Variants in SLC66A2 observed in about 807,000 individuals in gnomAD.
SLC66A2 encodes the protein solute carrier family 66 member 2, also known as PQ loop repeat containing 1.
In SLC66A2, 23 loss-of-function variants were observed where a neutral mutation model predicts 25.5. The observed-to-expected ratio is 0.90, with a 90% confidence interval of 0.65 to 1.28. The LOEUF (loss-of-function observed/expected upper bound fraction) is 1.28, where lower values mean the gene tolerates loss of function less well. Ranked by LOEUF, SLC66A2 falls within the 50% of genes most tolerant of loss-of-function variation. SLC66A2 has a pLI of 0.00. For missense variants in SLC66A2, 396 were observed against 373.1 expected (o/e 1.06, Z -0.51); for synonymous variants, 193 against 166.5 (o/e 1.16, Z -1.23).
At chr18:79,910,033 G>C (rs1167735609) in intron 5 of SLC66A2, among the ~76,000 whole-genome samples, 1 of 62,854 alleles carries the variant, frequency 1.6e-5, no homozygotes, top group Non-Finnish European at 3.0e-5. Flanking sequence ...AGAGTCCCCA[G>C]ACTTCCCCAC....
intron 4 of SLC66A2, among the ~76,000 whole-genome samples, chr18:79,922,285 A>G (rs1985334585): frequency 6.7e-6 from 1 of 149,836 alleles, no homozygotes; most frequent in African/African-American, 2.4e-5. Context: ...TTGAAAAGAA[A>G]AAAAAAAAAA....
At chr18:79,930,322 A>G (rs563352756) in intron 4 of SLC66A2, 1 of 152,238 alleles carries the variant, frequency 6.6e-6, no homozygotes, top group Non-Finnish European at 1.5e-5. Context: ...CTGAAAAGAA[A>G]AAAAAATCAT....
chr18:79,933,943 G>A (rs980170966), intron 4 of SLC66A2, 26 bp downstream of exon 4: 4 of 1,602,822 alleles, frequency 2.5e-6, no homozygotes, highest in East Asian at 2.2e-5. Context: ...AACGTGCTGC[G>A]GACAGTGCAC....
chr18:79,908,323 T>A (rs1982437139), intron 5 of SLC66A2, among the ~76,000 whole-genome samples: 3 of 152,146 alleles, frequency 2.0e-5, no homozygotes, highest in Admixed American at 2.0e-4. Context: ...AAGGAATTTT[T>A]TTTTTTTTCC....
rs3744884 is a variant in SLC66A2 at position 79,902,962 on chromosome 18, C to G, written c.*1014G>C. 471 of 153,262 alleles carry G rather than the reference C, an allele frequency of 3.1e-3. 10 individuals are homozygous for G. The highest frequency in any genetic ancestry group is 0.023 in the East Asian group (121 of 5,212). 9.5% of individuals were successfully genotyped at this position (153,262 alleles called of 1,614,324 possible). A position where few individuals can be genotyped will look rare whatever the true frequency, so the allele number is the denominator to read the frequency against. On this transcript the variant is annotated 3_prime_UTR_variant, in exon 6 of 6. Coordinates refer to ENST00000397778, the MANE Select transcript of SLC66A2 (RefSeq NM_025078.5). ...GGATGCGGCAGGCCCCAGTACCCCC[C>G]ACTCAGGAATTTGCTTCAGGCCAAA...
In SLC66A2 at chr18:79,950,849, G is replaced by A. The variant is rs764798435; in HGVS notation, c.78C>T (p.Val26=). The change falls in exon 2 of 6, where the codon GTC becomes GTT. Residue 26 remains valine (V), a synonymous_variant. Coordinates refer to ENST00000397778, the MANE Select transcript of SLC66A2 (RefSeq NM_025078.5). The part of the protein sequence containing the change: ...LVSWGAAAAM[V]FGGVVPYVPQ... ...GGACGTAGGGCACCACCCCTCCGAA[G>A]ACCATGGCCGCGGCCGCGCCCCAGG... is the stretch of plus-strand genomic sequence containing the variant. The A allele has an allele frequency of 4.3e-6, 7 of 1,611,166 alleles. No individual in the cohort carries two copies. The highest frequency in any genetic ancestry group is 2.7e-5 in the African/African-American group (2 of 74,866).
chr18:79,932,945 T>C (rs182425431), intron 4 of SLC66A2, among the ~76,000 whole-genome samples: 3 of 152,322 alleles, frequency 2.0e-5, no homozygotes, highest in East Asian at 3.9e-4. Context: ...TTTCCCAACT[T>C]ATTCTATAAG....
rs750644097 is a variant in SLC66A2, at chr18:79,943,316, G to T, written c.337+13C>A. On this transcript the variant is annotated intron_variant, in intron 3 of 5. Transcript: ENST00000397778. The stretch of plus-strand genomic sequence containing the variant: ...ATTCCCTGCGACTTTATTCCGAAGC[G>T]CCGGCCACCAACCTGTAAAGGAGCG... The T allele has an allele frequency of 2.5e-6, 4 of 1,612,860 alleles. No individual in the cohort carries two copies. The highest frequency in any genetic ancestry group is 1.3e-5 in the African/African-American group (1 of 75,002).
At chr18:79,919,121 A>C in intron 5 of SLC66A2, 63 bp downstream of exon 5, 1 of 1,447,992 alleles carries the variant, frequency 6.9e-7, no homozygotes. Context: ...GATTTTTACC[A>C]AATCTGCAGC....
At chr18:79,924,910 AGGT>A (rs991739871) in intron 4 of SLC66A2, 1 of 152,298 alleles carries the variant, frequency 6.6e-6, no homozygotes, top group African/African-American at 2.4e-5. Context: ...GAATTGGAGC[AGGT>A]GGCGGGGAGG....
intron 3 of SLC66A2, among the ~76,000 whole-genome samples, chr18:79,936,168 G>A (rs987551898): frequency 3.9e-5 from 6 of 152,212 alleles, no homozygotes; most frequent in African/African-American, 1.2e-4. Context: ...CTGTCGGTAC[G>A]GCGTGTATGG....
intron 3 of SLC66A2, among the ~76,000 whole-genome samples, chr18:79,939,383 C>G (rs1371480556): frequency 6.6e-6 from 1 of 152,120 alleles, no homozygotes; most frequent in Non-Finnish European, 1.5e-5. Flanking sequence ...CAATAATTGA[C>G]AAAGGGGATC....
intron 5 of SLC66A2, among the ~76,000 whole-genome samples, chr18:79,908,357 C>T (rs937395617): frequency 2.6e-5 from 4 of 151,466 alleles, no homozygotes; most frequent in Non-Finnish European, 4.4e-5. Context: ...CTGGGTCAAA[C>T]GTTCTTTTCT....
intron 4 of SLC66A2, among the ~76,000 whole-genome samples, chr18:79,926,885 G>T (rs1007502624): frequency 1.3e-5 from 2 of 152,086 alleles, no homozygotes. Flanking sequence ...CACAAGTGTT[G>T]GCAAAGAAAC....
Position 79,918,795 on chromosome 18 carries a change from C to G in SLC66A2, c.608+389G>C, listed in dbSNP as rs1984605002. Reference sequence around the variant, plus strand: ...AGTGGGGAAAGACCGAGGACAGTGTCCAAGGCAGCCCCCAGACCACCTTCC... The same window carrying G: ...AGTGGGGAAAGACCGAGGACAGTGTGCAAGGCAGCCCCCAGACCACCTTCC... On this transcript the variant is annotated intron_variant, in intron 5 of 5. Transcript: ENST00000397778. The surrounding 1 kb of genome is among the most constrained non-coding windows in gnomAD (Gnocchi z 4.0). Among the ~76,000 whole-genome samples, 1 of 152,178 alleles carries G rather than the reference C, an allele frequency of 6.6e-6. No individual in the cohort carries two copies. The highest frequency in any genetic ancestry group is 1.9e-4 in the East Asian group (1 of 5,176).
At chr18:79,916,279 G>GCTCTCATACCCGCA (rs1218668226) in intron 5 of SLC66A2, among the ~76,000 whole-genome samples, 9 of 143,498 alleles carry the variant, frequency 6.3e-5, no homozygotes, top group African/African-American at 1.8e-4. Context: ...CCGTACCCGT[G>GCTCTCATACCCGCA]GTGCTCCCGT....
intron 2 of SLC66A2, among the ~76,000 whole-genome samples, chr18:79,948,200 G>A (rs1243159730): frequency 6.6e-6 from 1 of 152,216 alleles, no homozygotes; most frequent in Non-Finnish European, 1.5e-5. Context: ...GAGCTCAAGT[G>A]TCTCTCCAAG....
intron 4 of SLC66A2, among the ~76,000 whole-genome samples, chr18:79,930,734 G>A (rs1986485778): frequency 6.6e-6 from 1 of 152,004 alleles, no homozygotes; most frequent in African/African-American, 2.4e-5. Flanking sequence ...GACTGTAGAT[G>A]GTAACTCAGT....
In SLC66A2 at chr18:79,904,163, C is replaced by T; in HGVS notation, c.629G>A (p.Trp210Ter). The T allele has an allele frequency of 6.2e-7, 1 of 1,612,928 alleles. No individual in the cohort carries two copies. Among genetic ancestry groups the T allele is most frequent in the South Asian group, 1.1e-5 (1 of 91,082 alleles). ...CGTCTTGAAGGCGTCACCACTGGTCCACATGAGCACCATCTTGATGCTGTG... is the reference window on the plus strand; with the variant it reads ...CGTCTTGAAGGCGTCACCACTGGTCTACATGAGCACCATCTTGATGCTGTG... Reference protein sequence around the residue: ...EGMSIKMVLMWTSGDAFKTAY... With the variant: ...EGMSIKMVLM The change falls in exon 6 of 6, where the codon TGG becomes TAG. Residue 210 changes from tryptophan to a stop codon, truncating the protein, a stop_gained. Coordinates refer to ENST00000397778, the MANE Select transcript of SLC66A2 (RefSeq NM_025078.5). LOFTEE classifies it high-confidence loss of function. This position sits in a 1 kb window ranked among gnomAD's most constrained non-coding sequence, Gnocchi z 6.3.
Sources: gnomAD v4.1 joint callset for allele counts (sites outside exome capture counted in the v4.1 genomes callset) on GRCh38, gnomAD v4.1.1 for gene constraint, Gnocchi (gnomAD v3.1) non-coding constraint, MANE v1.5 for transcripts, NCBI Gene and HGNC (gene_info 2026-07-23, HGNC 2026-07-21) for gene names.